Variants in ZDHHC14 observed in about 807,000 individuals in gnomAD.
ZDHHC14 encodes zDHHC palmitoyltransferase 14.
A neutral mutation model predicts 47.7 loss-of-function variants in ZDHHC14; 16 were observed. That is an observed-to-expected ratio of 0.34 (90% CI 0.23 to 0.51). The LOEUF (loss-of-function observed/expected upper bound fraction) is 0.51, where lower values mean the gene tolerates loss of function less well. Ranked by LOEUF, ZDHHC14 falls within the 20% of genes least tolerant of loss-of-function variation. The probability of loss-of-function intolerance (pLI) is 0.97; values close to 1 mark genes in which losing one functional copy is unlikely to be tolerated. For synonymous variants in ZDHHC14, 293 were observed against 278.9 expected (o/e 1.05, Z -0.50); for missense variants, 515 against 662.5 (o/e 0.78, Z 2.44).
At chr6:157,542,318 A>G (rs551514113) in intron 1 of ZDHHC14, among the ~76,000 whole-genome samples, 3 of 152,254 alleles carry the variant, frequency 2.0e-5, no homozygotes, top group Non-Finnish European at 2.9e-5. Flanking sequence ...AAGCAGGACT[A>G]TTTTCATTCT....
At chr6:157,611,566 G>A (rs909874790) in intron 3 of ZDHHC14, among the ~76,000 whole-genome samples, 2 of 152,198 alleles carry the variant, frequency 1.3e-5, no homozygotes, top group African/African-American at 2.4e-5. Flanking sequence ...CTCAACTGCA[G>A]TGTCAGTGCC....
At chr6:157,526,695 T>A (rs768402348) in intron 1 of ZDHHC14, among the ~76,000 whole-genome samples, 1 of 152,162 alleles carries the variant, frequency 6.6e-6, no homozygotes, top group Non-Finnish European at 1.5e-5. Flanking sequence ...TGGCCCTACG[T>A]CTGTGCTAGT....
chr6:157,490,469 G>T (rs566421296), intron 1 of ZDHHC14, among the ~76,000 whole-genome samples: 1 of 152,124 alleles, frequency 6.6e-6, no homozygotes, highest in Non-Finnish European at 1.5e-5. Flanking sequence ...CTCTAATTAG[G>T]GAGGCAAGGT....
intron 2 of ZDHHC14, among the ~76,000 whole-genome samples, chr6:157,570,130 C>G (rs1783042829): frequency 6.6e-6 from 1 of 152,166 alleles, no homozygotes; most frequent in African/African-American, 2.4e-5. Flanking sequence ...AAATCTTGCA[C>G]CAGTCCGGTG....
In ZDHHC14 at chr6:157,382,072, C is replaced by T; in HGVS notation, c.51C>T (p.Ile17=). Residue 17 remains isoleucine (I), a synonymous_variant, in exon 1 of 9, where the codon ATC becomes ATT. Transcript: ENST00000359775. ...TGAAAGACTGCGAGTACAGCCAGAT[C>T]AGCACCCACAGCTCCTCCCCCATGG... ...GPMKDCEYSQ[I]STHSSSPMES... 6.2e-7 allele frequency: 1 copy of T among 1,605,182 alleles called. No individual in the cohort carries two copies. Among genetic ancestry groups the T allele is most frequent in the Non-Finnish European group, 8.5e-7 (1 of 1,176,224 alleles).
chr6:157,569,864 A>C (rs1301619175), intron 2 of ZDHHC14, among the ~76,000 whole-genome samples: 2 of 152,058 alleles, frequency 1.3e-5, no homozygotes, highest in African/African-American at 4.8e-5. Context: ...TCTTCTTTGT[A>C]GTTTCCAACT....
chr6:157,651,148 A>G (rs1267871632), intron 7 of ZDHHC14, among the ~76,000 whole-genome samples: 2 of 152,220 alleles, frequency 1.3e-5, no homozygotes, highest in Admixed American at 6.5e-5. Context: ...GAGGGTTAAA[A>G]CAACAGAAAG....
chr6:157,669,340 G>T (rs897547561), intron 8 of ZDHHC14, among the ~76,000 whole-genome samples: 1 of 151,918 alleles, frequency 6.6e-6, no homozygotes, highest in Non-Finnish European at 1.5e-5. Flanking sequence ...TGGTGGGGGG[G>T]GAAGACAGAG....
At chr6:157,528,452 G>A (rs1249161949) in intron 1 of ZDHHC14, among the ~76,000 whole-genome samples, 1 of 148,928 alleles carries the variant, frequency 6.7e-6, no homozygotes, top group Admixed American at 6.7e-5. Flanking sequence ...GCACGATAGG[G>A]TGGGCGCAGT....
intron 8 of ZDHHC14, 57 bp from the exon 9 acceptor site, chr6:157,672,666 TC>T: frequency 3.9e-6 from 2 of 517,878 alleles, no homozygotes; most frequent in Non-Finnish European, 5.8e-6. Flanking sequence ...TCCCTGTCCC[TC>T]CCCACCTCTG....
intron 1 of ZDHHC14, among the ~76,000 whole-genome samples, chr6:157,442,492 C>A (rs1397142538): frequency 6.6e-6 from 1 of 152,200 alleles, no homozygotes; most frequent in Non-Finnish European, 1.5e-5. Flanking sequence ...TCATGGAATG[C>A]AAGAACCATT....
chr6:157,566,144 A>G (rs1387628340), intron 2 of ZDHHC14, among the ~76,000 whole-genome samples: 1 of 152,166 alleles, frequency 6.6e-6, no homozygotes, highest in Non-Finnish European at 1.5e-5. Flanking sequence ...CCTGATGCAC[A>G]TAGAGGCCAA....
chr6:157,632,756 A>AT, intron 4 of ZDHHC14, 78 bp from the exon 5 acceptor site: 6 of 1,317,674 alleles, frequency 4.6e-6, no homozygotes, highest in Non-Finnish European at 6.6e-6. Flanking sequence ...GCCATCTATT[A>AT]TTTTTTTGTA....
rs1780213385 is a variant in ZDHHC14, at chr6:157,502,400, G to A, written c.246-40185G>A. On this transcript the variant is annotated intron_variant, in intron 1 of 8. Coordinates refer to ENST00000359775, the MANE Select transcript of ZDHHC14 (RefSeq NM_024630.3). The surrounding 1 kb of genome is among the most constrained non-coding windows in gnomAD (Gnocchi z 4.0). The stretch of plus-strand genomic sequence containing the variant: ...CAGTAGCTGTGGGAGCAGTAGTCAG[G>A]AGATTTCTTCACATTTAATTAGCAG... Among the ~76,000 whole-genome samples, 1 of 152,202 alleles carries A rather than the reference G, an allele frequency of 6.6e-6. No individual in the cohort carries two copies. The highest frequency in any genetic ancestry group is 6.5e-5 in the Admixed American group (1 of 15,280).
chr6:157,643,650 A>AATATATATATATAT (rs3056787), intron 5 of ZDHHC14, among the ~76,000 whole-genome samples: 746 of 72,426 alleles, frequency 0.01, 38 homozygotes, highest in African/African-American at 0.019. Context: ...CTTCATCTCA[A>AATATATATATATAT]ATATATATAT....
At chr6:157,616,470 C>T (rs1583024524) in intron 3 of ZDHHC14, among the ~76,000 whole-genome samples, 1 of 152,248 alleles carries the variant, frequency 6.6e-6, no homozygotes, top group East Asian at 1.9e-4. Flanking sequence ...GGTCAGCTCA[C>T]CCCAGGGAGA....
rs191482247 is a variant in ZDHHC14, at chr6:157,427,835, A to G, written c.245+45569A>G. Among the ~76,000 whole-genome samples the G allele has an allele frequency of 7.4e-3, 1,119 of 152,208 alleles. 9 individuals carry two copies. The highest frequency in any genetic ancestry group is 0.01 in the Non-Finnish European group (682 of 68,016). Reference sequence around the variant, plus strand: ...TCCTTTCCATGACATTGTGGCCCCCAAGGACAATGGAATGGTGGGGCTCTA... The same window carrying G: ...TCCTTTCCATGACATTGTGGCCCCCGAGGACAATGGAATGGTGGGGCTCTA... On this transcript the variant is annotated intron_variant, in intron 1 of 8. Transcript: ENST00000359775. This position sits in a 1 kb window ranked among gnomAD's most constrained non-coding sequence, Gnocchi z 4.4.
intron 1 of ZDHHC14, among the ~76,000 whole-genome samples, chr6:157,470,993 T>C (rs1779340300): frequency 6.6e-6 from 1 of 152,128 alleles, no homozygotes; most frequent in Non-Finnish European, 1.5e-5. Flanking sequence ...AACCGGTCAG[T>C]CGTCTTCGGT....
At chr6:157,396,206 A>T (rs1777518433) in intron 1 of ZDHHC14, among the ~76,000 whole-genome samples, 1 of 152,112 alleles carries the variant, frequency 6.6e-6, no homozygotes, top group Non-Finnish European at 1.5e-5. Flanking sequence ...CGTGCTGTTG[A>T]CATACCGAGG....
Sources: allele counts gnomAD v4.1 joint callset (sites outside exome capture counted in the v4.1 genomes callset), GRCh38; gene constraint gnomAD v4.1.1; non-coding constraint Gnocchi (gnomAD v3.1); transcripts MANE v1.5; gene names NCBI Gene and HGNC (gene_info 2026-07-23, HGNC 2026-07-21).